The following RAPGEF2 variants were observed in gnomAD, a reference collection of about 807,000 sequenced individuals.
RAPGEF2 encodes the protein PDZ domain containing guanine nucleotide exchange factor (GEF) 1.
In RAPGEF2, 54 loss-of-function variants were observed where a neutral mutation model predicts 186.7. The ratio of observed to expected loss-of-function variants is 0.29; its 90% CI spans 0.23 to 0.36. RAPGEF2 has a LOEUF of 0.36. Among genes scored for constraint, RAPGEF2 ranks in the 10% least tolerant of loss-of-function variants. The pLI is 1.00. For synonymous variants in RAPGEF2, 712 were observed against 705.9 expected, an observed-to-expected ratio of 1.01 and a Z score of -0.14; for missense variants, 1,532 against 2,045.0, an observed-to-expected ratio of 0.75 and a Z score of 4.84.
At chr4:159,119,622 G>A (rs1166633672) in intron 1 of RAPGEF2, among the ~76,000 whole-genome samples, 1 of 152,150 alleles carries the variant, frequency 6.6e-6, no homozygotes, top group African/African-American at 2.4e-5. Context: ...CTACGGTTAT[G>A]GAATGCAGGT....
At chr4:159,253,893 A>G (rs1487636496) in intron 7 of RAPGEF2, among the ~76,000 whole-genome samples, 3 of 152,168 alleles carry the variant, frequency 2.0e-5, no homozygotes, top group Admixed American at 1.3e-4. Flanking sequence ...GCGTGAACCC[A>G]GGAGGCGGAG....
At position 159,341,959 on chromosome 4, in the gene RAPGEF2, C is replaced by T. The variant is rs549595785; in HGVS notation, c.2918+12C>T. ...TTTGCAATCATCAGGTAAGAGAGCA[C>T]ATTTTTTCTTAAGATTCAGTTCAGT... On this transcript the variant is annotated intron_variant, in intron 20 of 29. Transcript: ENST00000691494. The T allele has an allele frequency of 1.5e-5, 24 of 1,558,972 alleles. No individual in the cohort carries two copies. In the South Asian group the frequency reaches 2.7e-4, roughly 18 times the overall value.
chr4:159,221,318 G>A (rs182279256), intron 4 of RAPGEF2, among the ~76,000 whole-genome samples: 6 of 152,266 alleles, frequency 3.9e-5, no homozygotes, highest in South Asian at 4.2e-4. Context: ...GGGTCAGTTC[G>A]TAGCACAGAT....
intron 29 of RAPGEF2, among the ~76,000 whole-genome samples, chr4:159,357,896 A>G (rs1732265301): frequency 6.6e-6 from 1 of 152,144 alleles, no homozygotes; most frequent in African/African-American, 2.4e-5. Context: ...TATCTTTTTA[A>G]TATTGTGTGT....
At chr4:159,176,396 G>A (rs776999068) in intron 1 of RAPGEF2, among the ~76,000 whole-genome samples, 8 of 152,218 alleles carry the variant, frequency 5.3e-5, no homozygotes, top group Non-Finnish European at 7.4e-5. Context: ...TCTCCTGCAT[G>A]AACTTTAATG....
intron 11 of RAPGEF2, chr4:159,328,920 A>G (rs1451659128): frequency 6.6e-6 from 1 of 152,106 alleles, no homozygotes; most frequent in Non-Finnish European, 1.5e-5. Context: ...AAAAAGAATA[A>G]TGTATTATCA....
intron 16 of RAPGEF2, 55 bp downstream of exon 16, chr4:159,332,089 T>A (rs1237998708): frequency 8.6e-7 from 1 of 1,159,210 alleles, no homozygotes; most frequent in Non-Finnish European, 1.2e-6. Context: ...TTTTTAGTAT[T>A]TCAAACATCA....
intron 7 of RAPGEF2, chr4:159,267,195 A>G (rs1199715552): frequency 7.8e-7 from 1 of 1,288,256 alleles, no homozygotes; most frequent in Non-Finnish European, 1.0e-6. Flanking sequence ...AGGAAGCAGC[A>G]ATGCCGTTTG....
At chr4:159,151,491 A>T (rs889849587) in intron 1 of RAPGEF2, among the ~76,000 whole-genome samples, 1 of 152,224 alleles carries the variant, frequency 6.6e-6, no homozygotes, top group East Asian at 1.9e-4. Flanking sequence ...GAAAATTTTT[A>T]AAAATACCGT....
In RAPGEF2 at chr4:159,106,833, G is replaced by A. The variant is rs550745131; in HGVS notation, c.69+2602G>A. On this transcript the variant is annotated intron_variant, in intron 1 of 29. Coordinates refer to ENST00000691494, the MANE Select transcript of RAPGEF2 (RefSeq NM_001394067.2). Reference sequence around the variant, plus strand: ...TAGAAGTAATCCTGATGTCATTGGTGTAACCTAAGAAGTTGGCTAGAAGAG... The same window carrying A: ...TAGAAGTAATCCTGATGTCATTGGTATAACCTAAGAAGTTGGCTAGAAGAG... Among the ~76,000 whole-genome samples, 91 of 152,274 alleles carry A rather than the reference G, an allele frequency of 6.0e-4. No individual in the cohort carries two copies. In the South Asian group the frequency reaches 6.2e-3, roughly 10 times the overall value.
intron 7 of RAPGEF2, among the ~76,000 whole-genome samples, chr4:159,281,577 A>G (rs779544423): frequency 1.3e-5 from 2 of 150,998 alleles, no homozygotes; most frequent in Non-Finnish European, 2.9e-5. Flanking sequence ...AGGCTGAGGC[A>G]GGAGAATCGC....
chr4:159,147,583 G>T (rs1370631113), intron 1 of RAPGEF2, among the ~76,000 whole-genome samples: 1 of 152,120 alleles, frequency 6.6e-6, no homozygotes, highest in Non-Finnish European at 1.5e-5. Context: ...AGCAAATCAA[G>T]AATTTGGAAT....
At chr4:159,293,195 TA>T (rs1280950666) in intron 7 of RAPGEF2, among the ~76,000 whole-genome samples, 2 of 152,172 alleles carry the variant, frequency 1.3e-5, no homozygotes, top group Admixed American at 6.5e-5. Flanking sequence ...AGTGAGAGCA[TA>T]AAAAAATGAA....
chr4:159,250,202 A>T (rs1158810463), intron 7 of RAPGEF2, among the ~76,000 whole-genome samples: 1 of 152,184 alleles, frequency 6.6e-6, no homozygotes, highest in Non-Finnish European at 1.5e-5. Context: ...ACAGAAGACA[A>T]CATATATGGT....
At chr4:159,312,445 A>T (rs1764061494) in intron 8 of RAPGEF2, among the ~76,000 whole-genome samples, 1 of 152,124 alleles carries the variant, frequency 6.6e-6, no homozygotes, top group African/African-American at 2.4e-5. Flanking sequence ...CTCTAACCAC[A>T]ACCTTGGCAT....
chr4:159,265,233 CA>C (rs1383130774), intron 7 of RAPGEF2, among the ~76,000 whole-genome samples: 2 of 152,190 alleles, frequency 1.3e-5, no homozygotes, highest in Non-Finnish European at 1.5e-5. Flanking sequence ...ACAGATATGG[CA>C]CCAGCCATCA....
rs186467378 is a variant in RAPGEF2, at chr4:159,256,897, T to C, written c.543+13106T>C. 3.4e-3 allele frequency among the ~76,000 whole-genome samples: 514 copies of C among 152,302 alleles called. 4 individuals carry two copies. Among genetic ancestry groups the C allele is most frequent in the African/African-American group, 0.012 (496 of 41,570 alleles). ...ACTTTTTAATGGAGTTGTCTGTTTT[T>C]TTCTTGTAAATTTTTTTTGTTTCTC... On this transcript the variant is annotated intron_variant, in intron 7 of 29. Coordinates refer to ENST00000691494, the MANE Select transcript of RAPGEF2 (RefSeq NM_001394067.2).
chr4:159,150,824 G>C (rs1384440444), intron 1 of RAPGEF2, among the ~76,000 whole-genome samples: 1 of 152,142 alleles, frequency 6.6e-6, no homozygotes, highest in Non-Finnish European at 1.5e-5. Context: ...GATTGTTTTG[G>C]AATCAGGTGA....
chr4:159,356,151 G>A lies in RAPGEF2; in HGVS notation c.4950G>A (p.Glu1650=), dbSNP rs1306610806. 5 of 1,613,468 alleles carry A rather than the reference G, an allele frequency of 3.1e-6. No individual in the cohort carries two copies. Among genetic ancestry groups the A allele is most frequent in the African/African-American group, 2.7e-5 (2 of 74,896 alleles). The change falls in exon 29 of 30, where the codon GAG becomes GAA. Residue 1650 remains glutamate (E), a synonymous_variant. Coordinates refer to ENST00000691494, the MANE Select transcript of RAPGEF2 (RefSeq NM_001394067.2). ...APYQSQGFST[E]EDEDEQVSAV is the part of the protein sequence containing the mutation. ...ATCAGTCCCAAGGGTTTTCCACCGAGGAGGATGGTATATGCACATAAATAT... is the reference window on the plus strand; with the variant it reads ...ATCAGTCCCAAGGGTTTTCCACCGAAGAGGATGGTATATGCACATAAATAT...
Sources: allele counts gnomAD v4.1 joint callset (sites outside exome capture counted in the v4.1 genomes callset), GRCh38; gene constraint gnomAD v4.1.1; transcripts MANE v1.5; gene names NCBI Gene and HGNC (gene_info 2026-07-23, HGNC 2026-07-21).